The following TCF12 variants were observed in gnomAD, a reference collection of about 807,000 sequenced individuals.
The protein encoded by TCF12 is transcription factor 12, also known as DNA-binding protein HTF4.
Under a neutral mutation model 86.0 loss-of-function variants are expected in TCF12, and 45 were observed. The observed-to-expected ratio is 0.52, with a 90% CI of 0.41 to 0.67. The LOEUF (loss-of-function observed/expected upper bound fraction) is 0.67, where lower values mean the gene tolerates loss of function less well. TCF12 is among the 30% of genes least tolerant of loss of function. The probability of loss-of-function intolerance (pLI) is 0.00; values close to 1 mark genes in which losing one functional copy is unlikely to be tolerated. For synonymous variants in TCF12, 330 were observed against 299.6 expected, an observed-to-expected ratio of 1.10 and a Z score of -1.05; for missense variants, 881 against 859.9, an observed-to-expected ratio of 1.02 and a Z score of -0.31.
At chr15:56,951,514 G>A (rs1289096814) in intron 3 of TCF12, among the ~76,000 whole-genome samples, 7 of 152,106 alleles carry the variant, frequency 4.6e-5, no homozygotes, top group Admixed American at 1.3e-4. Context: ...TCTCTAAACA[G>A]TGTCTTTTGA....
chr15:57,252,298 C>G, intron 14 of TCF12, 123 bp from the exon 15 acceptor site: 2 of 662,730 alleles, frequency 3.0e-6, no homozygotes, highest in Admixed American at 2.8e-5. Flanking sequence ...AAATAGATCT[C>G]GCAAGTCTTG....
intron 8 of TCF12, among the ~76,000 whole-genome samples, chr15:57,212,282 T>G (rs988686794): frequency 3.7e-4 from 52 of 140,718 alleles, no homozygotes; most frequent in Non-Finnish European, 1.9e-4. Flanking sequence ...TTTGTTCATT[T>G]GTTGTTGTTG....
Position 57,262,215 on chromosome 15 carries a change from A to G in TCF12, c.1582+7A>G, listed in dbSNP as rs142239305. The G allele has an allele frequency of 6.2e-4, 980 of 1,573,404 alleles. 14 individuals carry two copies. In the East Asian group the frequency reaches 0.019, roughly 31 times the overall value. ...ACACAAGAAAATTATAGAGGTAACT[A>G]TATTGTTGGTTTTCAGAAATAATGC... On this transcript the variant is annotated splice_region_variant and intron_variant, in intron 17 of 20. Coordinates refer to ENST00000333725, the MANE Select transcript of TCF12 (RefSeq NM_207037.2).
chr15:56,992,201 G>A (rs1255172930), intron 3 of TCF12, among the ~76,000 whole-genome samples: 1 of 152,148 alleles, frequency 6.6e-6, no homozygotes, highest in East Asian at 1.9e-4. Flanking sequence ...AGCCCAGGAG[G>A]TTGAGGCTGC....
At chr15:57,029,809 T>C (rs1168280887) in intron 3 of TCF12, among the ~76,000 whole-genome samples, 2 of 48,994 alleles carry the variant, frequency 4.1e-5, no homozygotes, top group Non-Finnish European at 8.5e-5. Context: ...GGAGACTGCG[T>C]ATAAATGTAA....
intron 6 of TCF12, among the ~76,000 whole-genome samples, chr15:57,183,129 T>C (rs1301555970): frequency 6.6e-6 from 1 of 152,174 alleles, no homozygotes; most frequent in Non-Finnish European, 1.5e-5. Flanking sequence ...TTTATTCTTC[T>C]TTGCTCCAAC....
At chr15:57,039,382 G>T (rs1158437402) in intron 3 of TCF12, among the ~76,000 whole-genome samples, 1 of 151,986 alleles carries the variant, frequency 6.6e-6, no homozygotes, top group African/African-American at 2.4e-5. Context: ...CTCAGTCTTC[G>T]CATTTTGTTA....
rs144897079 is a variant in TCF12, at chr15:56,955,997, T to G, written c.148+34899T>G. ...TATCATTATAAAATGACCCCTTTTT[T>G]TCTGATAATGGCTTAGAAATCCACA... On this transcript the variant is annotated intron_variant, in intron 3 of 20. Transcript: ENST00000333725. Among the ~76,000 whole-genome samples the G allele has an allele frequency of 4.4e-3, 669 of 152,268 alleles. 7 individuals are homozygous for G. The highest frequency in any genetic ancestry group is 0.021 in the Admixed American group (326 of 15,296).
At chr15:57,095,439 C>G (rs1441656103) in intron 5 of TCF12, among the ~76,000 whole-genome samples, 2 of 152,198 alleles carry the variant, frequency 1.3e-5, no homozygotes, top group African/African-American at 4.8e-5. Context: ...ATTATTCTCA[C>G]AGAATTGCCT....
At chr15:57,043,310 G>T (rs2067015758) in intron 3 of TCF12, among the ~76,000 whole-genome samples, 1 of 152,118 alleles carries the variant, frequency 6.6e-6, no homozygotes, top group South Asian at 2.1e-4. Context: ...CCAGAAGTGG[G>T]ATTGCTGGAT....
chr15:57,015,144 C>A (rs1038002991), intron 3 of TCF12, among the ~76,000 whole-genome samples: 1 of 151,890 alleles, frequency 6.6e-6, no homozygotes, highest in South Asian at 2.1e-4. Flanking sequence ...AAAAATTAGC[C>A]GGGTATGGTG....
intron 6 of TCF12, among the ~76,000 whole-genome samples, chr15:57,182,294 CAAAT>C (rs1398536382): frequency 6.6e-6 from 1 of 151,926 alleles, no homozygotes; most frequent in Admixed American, 6.6e-5. Flanking sequence ...TTTGAAGAAT[CAAAT>C]AAAGAAAAAT....
chr15:57,111,527 A>G (rs143105340), intron 5 of TCF12, among the ~76,000 whole-genome samples: 108 of 150,506 alleles, frequency 7.2e-4, no homozygotes, highest in African/African-American at 2.5e-3. Flanking sequence ...CCCAACTCCC[A>G]TCTCCTCTCT....
At chr15:57,210,626 T>A (rs1232525513) in intron 8 of TCF12, among the ~76,000 whole-genome samples, 1 of 152,212 alleles carries the variant, frequency 6.6e-6, no homozygotes, top group African/African-American at 2.4e-5. Flanking sequence ...CGTGTTCTTT[T>A]ATTCATATAA....
chr15:57,096,462 A>C (rs573045967), intron 5 of TCF12, among the ~76,000 whole-genome samples: 1 of 152,138 alleles, frequency 6.6e-6, no homozygotes, highest in Admixed American at 6.5e-5. Context: ...TAGAATTGCT[A>C]TACAGTCATC....
At chr15:56,978,236 A>G (rs1012918858) in intron 3 of TCF12, among the ~76,000 whole-genome samples, 26 of 152,216 alleles carry the variant, frequency 1.7e-4, no homozygotes, top group African/African-American at 6.0e-4. Context: ...TAGTATGTAC[A>G]TGGATGAGAG....
At chr15:56,996,180 G>T (rs8039899) in intron 3 of TCF12, among the ~76,000 whole-genome samples, 1 of 151,916 alleles carries the variant, frequency 6.6e-6, no homozygotes, top group Admixed American at 6.5e-5. Flanking sequence ...GGGGGATTCA[G>T]TTTGGTAGTA....
At chr15:57,145,446 A>G (rs2053289302) in intron 5 of TCF12, among the ~76,000 whole-genome samples, 1 of 152,148 alleles carries the variant, frequency 6.6e-6, no homozygotes, top group African/African-American at 2.4e-5. Flanking sequence ...TGAGTGTGAA[A>G]TAAGATAGAA....
intron 13 of TCF12, chr15:57,251,133 T>G (rs192626635): frequency 1.6e-3 from 675 of 429,736 alleles, no homozygotes; most frequent in Non-Finnish European, 2.2e-3. Flanking sequence ...AATTACAGGG[T>G]TTTTTTTCTG....
Sources: gnomAD v4.1 joint callset for allele counts (sites outside exome capture counted in the v4.1 genomes callset) on GRCh38, gnomAD v4.1.1 for gene constraint, MANE v1.5 for transcripts, NCBI Gene and HGNC (gene_info 2026-07-23, HGNC 2026-07-21) for gene names.